The following CRYBG1 variants were observed in gnomAD, a reference collection of about 807,000 sequenced individuals.
The protein encoded by CRYBG1 is crystallin beta-gamma domain containing 1, also known as beta/gamma crystallin domain-containing protein 1.
In CRYBG1, 139 loss-of-function variants were observed where a neutral mutation model predicts 189.2. That is an observed-to-expected ratio of 0.73 (90% CI 0.64 to 0.85). The LOEUF (loss-of-function observed/expected upper bound fraction) is 0.85. Ranked by LOEUF, CRYBG1 falls within the 40% of genes least tolerant of loss-of-function variation. The pLI is 0.00. For missense variants in CRYBG1, 2,611 were observed against 2,675.8 expected (o/e 0.98, Z 0.53); for synonymous variants, 1,023 against 1,017.1 (o/e 1.01, Z -0.11).
At chr6:106,504,029 G>GAAA (rs33971164) in intron 2 of CRYBG1, among the ~76,000 whole-genome samples, 2,483 of 88,472 alleles carry the variant, frequency 0.028, 73 homozygotes, top group South Asian at 0.063. Context: ...GACAGCATTA[G>GAAA]AAAAAAAAAA....
chr6:106,463,878 G>A (rs1772062119), intron 2 of CRYBG1, among the ~76,000 whole-genome samples: 1 of 152,208 alleles, frequency 6.6e-6, no homozygotes, highest in Non-Finnish European at 1.5e-5. Flanking sequence ...AGGCCAAAAA[G>A]TCACTGTGTG....
At chr6:106,397,301 A>G (rs1423909482) in intron 1 of CRYBG1, among the ~76,000 whole-genome samples, 1 of 152,240 alleles carries the variant, frequency 6.6e-6, no homozygotes, top group Admixed American at 6.5e-5. Flanking sequence ...GCAAACTTCA[A>G]GTATGCAGTA....
At chr6:106,557,408 AT>A (rs11337967) in intron 17 of CRYBG1, among the ~76,000 whole-genome samples, 120,426 of 145,012 alleles carry the variant, frequency 0.83, 50,267 homozygotes, top group Non-Finnish European at 0.88. Context: ...ACATGCTTTT[AT>A]TTTTTTTTTT....
At chr6:106,515,133 A>G (rs760557648) in intron 3 of CRYBG1, among the ~76,000 whole-genome samples, 48 of 152,262 alleles carry the variant, frequency 3.2e-4, no homozygotes, top group Non-Finnish European at 6.2e-4. Context: ...TATTACTTCA[A>G]GTTCTCTACC....
At chr6:106,459,120 T>C (rs1771949202) in intron 2 of CRYBG1, among the ~76,000 whole-genome samples, 1 of 152,228 alleles carries the variant, frequency 6.6e-6, no homozygotes, top group African/African-American at 2.4e-5. Context: ...ATTTGTGATG[T>C]TTCCATTTGA....
chr6:106,561,056 C>A lies in CRYBG1; in HGVS notation c.5979+130C>A, dbSNP rs1330228368. 6.6e-6 allele frequency: 7 copies of A among 1,063,660 alleles called. No individual in the cohort carries two copies. The South Asian group carries it at 8.8e-5, about 13-fold the overall frequency. 65.9% of individuals were successfully genotyped at this position (1,063,660 alleles called of 1,614,324 possible). On this transcript the variant is annotated intron_variant, in intron 19 of 21. Coordinates refer to ENST00000633556, the MANE Select transcript of CRYBG1 (RefSeq NM_001371242.2). ...CCTCACCCTATAAACTCCTTCCCTG[C>A]CCCAATAATCTGGGCTCAGTTTCTG... is the stretch of plus-strand genomic sequence containing the variant.
chr6:106,565,205 C>T (rs1292764478), intron 21 of CRYBG1, among the ~76,000 whole-genome samples: 1 of 151,896 alleles, frequency 6.6e-6, no homozygotes, highest in Non-Finnish European at 1.5e-5. Context: ...CCTGTAGTCC[C>T]AGCTATTTGG....
At chr6:106,491,259 C>T (rs17067104) in intron 2 of CRYBG1, among the ~76,000 whole-genome samples, 1,569 of 152,278 alleles carry the variant, frequency 0.01, 20 homozygotes, top group African/African-American at 0.033. Flanking sequence ...GACTCCTGAT[C>T]AAAAACTGGA....
chr6:106,512,896 C>T lies in CRYBG1; in HGVS notation c.1779C>T (p.Asn593=), dbSNP rs756591352. 179 of 1,602,146 alleles carry T rather than the reference C, an allele frequency of 1.1e-4. No individual in the cohort carries two copies. The highest frequency in any genetic ancestry group is 5.1e-6 in the Non-Finnish European group (6 of 1,174,732). The change falls in exon 3 of 22, where the codon AAC becomes AAT. Residue 593 remains asparagine (N), a synonymous_variant. Coordinates refer to ENST00000633556, the MANE Select transcript of CRYBG1 (RefSeq NM_001371242.2). ...AGCACAAGAGGGGCCCGCTCCCCAACCACTTCAACGGCCGGGCAGAGGGAG... is the reference window on the plus strand; with the variant it reads ...AGCACAAGAGGGGCCCGCTCCCCAATCACTTCAACGGCCGGGCAGAGGGAG... ...KPEHKRGPLP[N]HFNGRAEGGR...
intron 1 of CRYBG1, among the ~76,000 whole-genome samples, chr6:106,373,660 A>G (rs970095902): frequency 1.3e-5 from 2 of 152,246 alleles, no homozygotes; most frequent in African/African-American, 4.8e-5. Flanking sequence ...TTATATACAC[A>G]GAGCTAACTT....
intron 1 of CRYBG1, among the ~76,000 whole-genome samples, chr6:106,403,069 C>T (rs12524143): frequency 0.12 from 17,826 of 152,146 alleles, 1,099 homozygotes; most frequent in South Asian, 0.14. Flanking sequence ...GGTGCAGTGG[C>T]TCACACCTGT....
chr6:106,370,309 T>A (rs1769993241), intron 1 of CRYBG1, among the ~76,000 whole-genome samples: 1 of 152,248 alleles, frequency 6.6e-6, no homozygotes, highest in Non-Finnish European at 1.5e-5. Flanking sequence ...TACCCCTTCT[T>A]CTGCCCTGAC....
chr6:106,531,999 T>C (rs1436113695), intron 8 of CRYBG1, among the ~76,000 whole-genome samples: 3 of 152,200 alleles, frequency 2.0e-5, no homozygotes, highest in African/African-American at 4.8e-5. Context: ...TTTCCAAGGA[T>C]AGTATACATT....
intron 2 of CRYBG1, among the ~76,000 whole-genome samples, chr6:106,452,247 A>G (rs377176365): frequency 0.27 from 37,467 of 140,996 alleles, 5,731 homozygotes; most frequent in South Asian, 0.37. Flanking sequence ...ACTCTACTAA[A>G]AAAAAAAAAA....
At chr6:106,404,494 T>G (rs1390318781) in intron 1 of CRYBG1, among the ~76,000 whole-genome samples, 1 of 152,178 alleles carries the variant, frequency 6.6e-6, no homozygotes, top group African/African-American at 2.4e-5. Flanking sequence ...AAAAGAAATA[T>G]TCTATCTGAA....
chr6:106,390,912 GTACTCATTTCTGTTGGGTATA>G (rs897509074), intron 1 of CRYBG1, among the ~76,000 whole-genome samples: 2 of 152,156 alleles, frequency 1.3e-5, no homozygotes, highest in Non-Finnish European at 2.9e-5. Flanking sequence ...ACATAAGTAT[GTACTCATTTCTGTTGGGTATA>G]TACTCAGAAT....
intron 13 of CRYBG1, among the ~76,000 whole-genome samples, chr6:106,550,955 C>G (rs76080518): frequency 6.6e-6 from 1 of 151,918 alleles, no homozygotes; most frequent in East Asian, 1.9e-4. Context: ...GTCAAGATAC[C>G]CTTACGCTTA....
chr6:106,543,916 G>C (rs569712522), intron 11 of CRYBG1, among the ~76,000 whole-genome samples: 1 of 152,228 alleles, frequency 6.6e-6, no homozygotes, highest in African/African-American at 2.4e-5. Flanking sequence ...GCTGAGCGTG[G>C]TGTCACATGC....
rs778910929 is a variant in CRYBG1 at position 106,551,923 on chromosome 6, T to A, written c.5384T>A (p.Phe1795Tyr). ...CTGGATAAAGGATTTTATACCAGTT[T>A]TGAGGACTGGGGAGGCAAAAATTGT... ...YILDKGFYTS[F>Y]EDWGGKNCKI... The change falls in exon 14 of 22, where the codon TTT (phenylalanine) becomes TAT (tyrosine). Residue 1795 changes from phenylalanine (F) to tyrosine (Y), a missense_variant. Transcript: ENST00000633556. The A allele has an allele frequency of 4.3e-6, 7 of 1,611,650 alleles. No individual in the cohort carries two copies. Among genetic ancestry groups the A allele is most frequent in the Non-Finnish European group, 5.9e-6 (7 of 1,178,136 alleles).
Sources: gnomAD v4.1 joint callset for allele counts (sites outside exome capture counted in the v4.1 genomes callset) on GRCh38, gnomAD v4.1.1 for gene constraint, MANE v1.5 for transcripts, NCBI Gene and HGNC (gene_info 2026-07-23, HGNC 2026-07-21) for gene names.